Variants in TOX2 observed in about 807,000 individuals in gnomAD.
TOX2 encodes TOX high mobility group box family member 2.
Under a neutral mutation model 47.4 loss-of-function variants are expected in TOX2, and 15 were observed. The observed-to-expected ratio is 0.32, with a 90% CI of 0.21 to 0.49. The LOEUF (loss-of-function observed/expected upper bound fraction) is 0.49. TOX2 is among the 20% of genes least tolerant of loss of function. The pLI, the probability that TOX2 is intolerant of heterozygous loss-of-function variation, is 0.99. For synonymous variants in TOX2, 290 were observed against 296.6 expected, an observed-to-expected ratio of 0.98 and a Z score of 0.23; for missense variants, 622 against 673.1, an observed-to-expected ratio of 0.92 and a Z score of 0.84.
At chr20:43,963,459 A>G (rs952844257) in intron 1 of TOX2, among the ~76,000 whole-genome samples, 4 of 152,170 alleles carry the variant, frequency 2.6e-5, no homozygotes, top group Non-Finnish European at 4.4e-5. Flanking sequence ...TCATGAGGTC[A>G]CCTTCTCTGG....
chr20:43,937,365 C>T (rs1232214424), intron 1 of TOX2, among the ~76,000 whole-genome samples: 1 of 152,118 alleles, frequency 6.6e-6, no homozygotes, highest in Non-Finnish European at 1.5e-5. Flanking sequence ...GATAACCTTC[C>T]CACGGGCAGC....
intron 3 of TOX2, among the ~76,000 whole-genome samples, chr20:44,014,230 G>A (rs989535597): frequency 1.5e-4 from 22 of 150,768 alleles, no homozygotes; most frequent in African/African-American, 5.4e-4. Context: ...CAGGGTGCAA[G>A]AGAGGGTACA....
At chr20:44,065,619 T>C in intron 6 of TOX2, 93 bp from the exon 7 acceptor site, 3 of 1,427,568 alleles carry the variant, frequency 2.1e-6, no homozygotes, top group African/African-American at 1.4e-5. Flanking sequence ...CCAGCAGCCG[T>C]GTCAGTGGGT....
chr20:44,056,155 A>C (rs1368597142), intron 5 of TOX2, among the ~76,000 whole-genome samples: 1 of 152,218 alleles, frequency 6.6e-6, no homozygotes, highest in African/African-American at 2.4e-5. Context: ...GGTGGACACC[A>C]GCATTCCTTC....
intron 1 of TOX2, among the ~76,000 whole-genome samples, chr20:43,965,252 C>A (rs1243283336): frequency 6.6e-6 from 1 of 152,122 alleles, no homozygotes; most frequent in Non-Finnish European, 1.5e-5. Context: ...AGAGGTGGGG[C>A]TGTAAAGCTC....
intron 1 of TOX2, among the ~76,000 whole-genome samples, chr20:43,924,564 A>G (rs2069144443): frequency 6.6e-6 from 1 of 152,192 alleles, no homozygotes; most frequent in Admixed American, 6.5e-5. Flanking sequence ...ACAAGAGGCC[A>G]TCTGCCCTGC....
At chr20:44,051,671 T>TA in intron 4 of TOX2, 126 bp downstream of exon 4, 1 of 1,382,088 alleles carries the variant, frequency 7.2e-7, no homozygotes, top group East Asian at 2.6e-5. Context: ...AAGGTCCCCG[T>TA]AGGTGCCATT....
Position 44,065,920 on chromosome 20 carries a change from C to CGCT in TOX2, c.1171_1172insTGC (p.Pro390_Pro391insLeu). 2 of 1,610,908 alleles carry CGCT rather than the reference C, an allele frequency of 1.2e-6. No individual in the cohort carries two copies. Among genetic ancestry groups the CGCT allele is most frequent in the South Asian group, 2.2e-5 (2 of 90,818 alleles). ...CTGCTGCCAGGCCTCAGTGCGTCCC[C>CGCT]GCCGCCGCCACCCTCCTTCCCGCTC... On this transcript the variant is annotated inframe_insertion, in exon 7 of 9. Transcript: ENST00000341197.
chr20:44,051,861 G>C (rs1459160707), intron 4 of TOX2, among the ~76,000 whole-genome samples: 1 of 152,238 alleles, frequency 6.6e-6, no homozygotes, highest in Non-Finnish European at 1.5e-5. Flanking sequence ...GCTGCTCCAA[G>C]TGCTGAGCGT....
chr20:43,953,512 C>A (rs2069616508), intron 1 of TOX2, among the ~76,000 whole-genome samples: 1 of 152,196 alleles, frequency 6.6e-6, no homozygotes. Flanking sequence ...ACTCTTTGAG[C>A]CTCTCATTGC....
chr20:44,003,454 G>T (rs1222737262), intron 2 of TOX2, among the ~76,000 whole-genome samples: 1 of 152,126 alleles, frequency 6.6e-6, no homozygotes, highest in African/African-American at 2.4e-5. Flanking sequence ...CTCCCAAAGT[G>T]CTGGGATTAT....
At chr20:44,067,896 G>A (rs2071859515) in intron 8 of TOX2, among the ~76,000 whole-genome samples, 2 of 152,174 alleles carry the variant, frequency 1.3e-5, no homozygotes, top group South Asian at 4.1e-4. Context: ...CCACAACCTG[G>A]AAGGCACAGC....
chr20:43,939,023 C>T (rs937593878), intron 1 of TOX2, among the ~76,000 whole-genome samples: 1 of 152,200 alleles, frequency 6.6e-6, no homozygotes, highest in Non-Finnish European at 1.5e-5. Context: ...CCTGGAGTCG[C>T]TGGCTTCACC....
In TOX2 at chr20:44,065,924, G is replaced by A. The variant is rs781368810; in HGVS notation, c.1173G>A (p.Pro391=). The A allele has an allele frequency of 3.7e-5, 59 of 1,611,092 alleles. 1 individual carries two copies. The South Asian group carries it at 4.2e-4, about 11-fold the overall frequency. ...SLLPGLSASP[P]PPPSFPLSPT... ...TGCCAGGCCTCAGTGCGTCCCCGCC[G>A]CCGCCACCCTCCTTCCCGCTCAGCC... Residue 391 remains proline (P), a synonymous_variant, in exon 7 of 9, where the codon CCG becomes CCA. Coordinates refer to ENST00000341197, the MANE Select transcript of TOX2 (RefSeq NM_001098797.2).
rs2071724229 is a variant in TOX2, at chr20:44,061,911, T to C, written c.880-2866T>C. The stretch of plus-strand genomic sequence containing the variant: ...ATCTCAATAGACACAGAAAAAGCAT[T>C]TGACAAAATTGAGCATCCCTTTGAT... On this transcript the variant is annotated intron_variant, in intron 5 of 8. Transcript: ENST00000341197. 1.4e-5 allele frequency among the ~76,000 whole-genome samples: 2 copies of C among 147,998 alleles called. 1 individual carries two copies. The highest frequency in any genetic ancestry group is 1.3e-4 in the Admixed American group (2 of 14,936).
chr20:44,042,767 G>T (rs1296570249), intron 3 of TOX2, among the ~76,000 whole-genome samples: 1 of 152,112 alleles, frequency 6.6e-6, no homozygotes, highest in Non-Finnish European at 1.5e-5. Context: ...ATTCTAAGAG[G>T]ATCAACAAGC....
chr20:44,065,994 G>C lies in TOX2; in HGVS notation c.1243G>C (p.Ala415Pro). Residue 415 changes from alanine to proline, a missense_variant, in exon 7 of 9, where the codon GCC (alanine) becomes CCC (proline). By Grantham distance (27) the Ala-to-Pro change is conservative. Coordinates refer to ENST00000341197, the MANE Select transcript of TOX2 (RefSeq NM_001098797.2). ...GTCACTGCCCCCTCACGCCCAGGGCGCCCTCCTCAGTCCACCTGTTAGCAT... is the reference window on the plus strand; with the variant it reads ...GTCACTGCCCCCTCACGCCCAGGGCCCCCTCCTCAGTCCACCTGTTAGCAT... The part of the protein sequence containing the change: ...QLSLPPHAQG[A>P]LLSPPVSMSP... The C allele has an allele frequency of 6.2e-7, 1 of 1,612,788 alleles. No individual in the cohort carries two copies. Among genetic ancestry groups the C allele is most frequent in the South Asian group, 1.1e-5 (1 of 90,998 alleles).
chr20:43,934,284 T>C (rs766320858), intron 1 of TOX2, among the ~76,000 whole-genome samples: 5 of 151,418 alleles, frequency 3.3e-5, no homozygotes, highest in Non-Finnish European at 7.4e-5. Context: ...GAGGAGAACA[T>C]AGAGGAATGG....
At chr20:43,947,366 C>T (rs150226716) in intron 1 of TOX2, among the ~76,000 whole-genome samples, 52 of 152,330 alleles carry the variant, frequency 3.4e-4, no homozygotes, top group African/African-American at 1.1e-3. Context: ...TGCACGTGTG[C>T]ACACACTCAC....
Sources: allele counts gnomAD v4.1 joint callset (sites outside exome capture counted in the v4.1 genomes callset), GRCh38; gene constraint gnomAD v4.1.1; transcripts MANE v1.5; gene names NCBI Gene and HGNC (gene_info 2026-07-23, HGNC 2026-07-21).